EPC1: variants seen among roughly 807,000 people sequenced by gnomAD.
The protein encoded by EPC1 is enhancer of polycomb homolog 1.
EPC1 carries 12 observed loss-of-function variants against 98.4 expected under a neutral mutation model. The ratio of observed to expected loss-of-function variants is 0.12; its 90% CI spans 0.08 to 0.20. EPC1 has a LOEUF of 0.20. EPC1 is among the 10% of genes least tolerant of loss of function. The probability of loss-of-function intolerance (pLI) is 1.00; values close to 1 mark genes in which losing one functional copy is unlikely to be tolerated. For missense variants in EPC1, 729 were observed against 990.5 expected, an observed-to-expected ratio of 0.74 and a Z score of 3.54; for synonymous variants, 357 against 363.9, an observed-to-expected ratio of 0.98 and a Z score of 0.21.
intron 2 of EPC1, among the ~76,000 whole-genome samples, chr10:32,302,893 T>C (rs1457729466): frequency 6.6e-6 from 1 of 151,974 alleles, no homozygotes; most frequent in Non-Finnish European, 1.5e-5. Flanking sequence ...ATACACCTGG[T>C]GATAATATAA....
In EPC1 at chr10:32,272,054, G is replaced by A. The variant is rs763223458; in HGVS notation, c.1977C>T (p.Ile659=). 13 of 1,613,412 alleles carry A rather than the reference G, an allele frequency of 8.1e-6. No homozygotes were observed. The highest frequency in any genetic ancestry group is 3.3e-5 in the South Asian group (3 of 90,948). The change falls in exon 12 of 14, where the codon ATC becomes ATT. Residue 659 remains isoleucine (I), a synonymous_variant. Coordinates refer to ENST00000319778, the MANE Select transcript of EPC1 (RefSeq NM_001272004.3). The stretch of plus-strand genomic sequence containing the variant: ...AGGCTGGAAGGACGCCATTCACCCC[G>A]ATTCCAAGCACCACATCATCCTTCA... ...FKMKDDVVLG[I]GVNGVLPASG... is the part of the protein sequence containing the mutation.
At chr10:32,341,034 G>T (rs957818002) in intron 1 of EPC1, among the ~76,000 whole-genome samples, 1 of 151,948 alleles carries the variant, frequency 6.6e-6, no homozygotes, top group African/African-American at 2.4e-5. Context: ...TATCACTTTT[G>T]CCCTTAGACA....
intron 1 of EPC1, among the ~76,000 whole-genome samples, chr10:32,362,499 T>C (rs949105443): frequency 6.6e-6 from 1 of 152,056 alleles, no homozygotes; most frequent in East Asian, 1.9e-4. Flanking sequence ...GCAATAAGAG[T>C]TCTCATTCCC....
At chr10:32,304,477 G>A (rs950180440) in intron 2 of EPC1, among the ~76,000 whole-genome samples, 5 of 152,118 alleles carry the variant, frequency 3.3e-5, no homozygotes, top group Non-Finnish European at 5.9e-5. Flanking sequence ...TGTTTATAAC[G>A]TCTGTGTCTG....
chr10:32,349,930 C>T (rs956666679), upstream of EPC1, among the ~76,000 whole-genome samples: 1 of 152,200 alleles, frequency 6.6e-6, no homozygotes, highest in African/African-American at 2.4e-5. Context: ...GTTCACTTTT[C>T]TTCACCTTAA....
chr10:32,290,618 G>A (rs928881772), intron 6 of EPC1, among the ~76,000 whole-genome samples: 2 of 151,186 alleles, frequency 1.3e-5, no homozygotes, highest in Non-Finnish European at 2.9e-5. Flanking sequence ...ACTTGTAAAA[G>A]GAATATTTTT....
intron 2 of EPC1, among the ~76,000 whole-genome samples, chr10:32,300,814 CCT>C (rs1489372383): frequency 3.3e-5 from 5 of 152,020 alleles, no homozygotes; most frequent in South Asian, 2.1e-4. Context: ...AGCGGAAACC[CCT>C]GTGTCTTCAC....
At chr10:32,299,628 G>C (rs2132776912) in intron 2 of EPC1, among the ~76,000 whole-genome samples, 1 of 151,710 alleles carries the variant, frequency 6.6e-6, no homozygotes, top group South Asian at 2.1e-4. Flanking sequence ...ATTGTGATTA[G>C]ATTACACATT....
chr10:32,373,922 G>A (rs1839818232), intron 1 of EPC1, among the ~76,000 whole-genome samples: 1 of 152,140 alleles, frequency 6.6e-6, no homozygotes, highest in South Asian at 2.1e-4. Flanking sequence ...TTCTATGTTA[G>A]TATGAAAGCA....
At chr10:32,378,395 C>T in intron 1 of EPC1, 2 of 989,704 alleles carry the variant, frequency 2.0e-6, no homozygotes, top group Non-Finnish European at 3.0e-6. Flanking sequence ...AAGAAAAATA[C>T]AAAGATTGGT....
intron 1 of EPC1, among the ~76,000 whole-genome samples, chr10:32,313,170 A>AT (rs752637353): frequency 1.3e-5 from 2 of 152,092 alleles, no homozygotes; most frequent in Admixed American, 1.3e-4. Context: ...CAATGGAATC[A>AT]TTTTTTTCAG....
chr10:32,340,618 C>T (rs1239272360), intron 1 of EPC1, among the ~76,000 whole-genome samples: 1 of 151,854 alleles, frequency 6.6e-6, no homozygotes, highest in Non-Finnish European at 1.5e-5. Context: ...TCACTTGAGC[C>T]CAAGAGTTTG....
At chr10:32,301,421 T>C (rs1592570093) in intron 2 of EPC1, among the ~76,000 whole-genome samples, 1 of 152,178 alleles carries the variant, frequency 6.6e-6, no homozygotes, top group African/African-American at 2.4e-5. Context: ...TCTGTAGACA[T>C]AGACAAGTTT....
intron 1 of EPC1, among the ~76,000 whole-genome samples, chr10:32,354,459 A>C (rs977097822): frequency 6.6e-6 from 1 of 152,138 alleles, no homozygotes; most frequent in Admixed American, 6.5e-5. Context: ...GCCTCAAAAA[A>C]AAGAAAGAAA....
chr10:32,277,236 T>C (rs1376351115), intron 10 of EPC1, among the ~76,000 whole-genome samples: 2 of 152,176 alleles, frequency 1.3e-5, no homozygotes, highest in African/African-American at 2.4e-5. Flanking sequence ...GAGAATCCTA[T>C]GTGTGGGACA....
intron 2 of EPC1, among the ~76,000 whole-genome samples, chr10:32,294,462 C>T (rs1835027505): frequency 6.6e-6 from 1 of 152,170 alleles, no homozygotes; most frequent in Non-Finnish European, 1.5e-5. Context: ...TGTGACCCAT[C>T]ATCACATGAG....
chr10:32,292,518 T>G lies in EPC1; in HGVS notation c.793A>C (p.Thr265Pro). ...TACCTCTTTTCCATAATTTCCAGTG[T>G]TAAGTGCAATAGCTCTCTTTTACTT... is the stretch of plus-strand genomic sequence containing the variant. The part of the protein sequence containing the change: ...EKSKRELLHL[T>P]LEIMEKRYNL... The change falls in exon 5 of 14, where the codon ACA becomes CCA. Residue 265 changes from threonine to proline, a missense_variant. Thr to Pro is a conservative substitution (Grantham distance 38, BLOSUM62 -1). Around this residue, in one of 6 missense-constraint regions of EPC1, gnomAD observed 39 missense variants for 94.9 expected, o/e 0.41. Transcript: ENST00000319778. 6.3e-7 allele frequency: 1 copy of G among 1,587,772 alleles called. No homozygotes were observed. Among genetic ancestry groups the G allele is most frequent in the South Asian group, 1.2e-5 (1 of 86,934 alleles).
At chr10:32,344,395 T>A (rs1004478601) in intron 1 of EPC1, among the ~76,000 whole-genome samples, 3 of 151,772 alleles carry the variant, frequency 2.0e-5, no homozygotes, top group Admixed American at 6.6e-5. Context: ...TCTAAACAGA[T>A]ATTTGGAAAA....
At chr10:32,333,063 T>C (rs1837735262) in intron 1 of EPC1, among the ~76,000 whole-genome samples, 2 of 152,126 alleles carry the variant, frequency 1.3e-5, no homozygotes. Context: ...AAATTTTGGC[T>C]GGGCGCGGTG....
Sources: allele counts gnomAD v4.1 joint callset (sites outside exome capture counted in the v4.1 genomes callset), GRCh38; gene constraint gnomAD v4.1.1; regional missense constraint gnomAD v4.1.1; transcripts MANE v1.5; gene names NCBI Gene and HGNC (gene_info 2026-07-23, HGNC 2026-07-21).